Variants in ACOX3 observed in about 807,000 individuals in gnomAD.
The protein encoded by ACOX3 is acyl-CoA oxidase 3, pristanoyl.
Under a neutral mutation model 81.5 loss-of-function variants are expected in ACOX3, and 73 were observed. That is an observed-to-expected ratio of 0.90 (90% CI 0.74 to 1.09). ACOX3 has a LOEUF of 1.09. ACOX3 is among the 50% of genes least tolerant of loss of function. The pLI is 0.00. For missense variants in ACOX3, 947 were observed against 928.0 expected (o/e 1.02, Z -0.27); for synonymous variants, 387 against 375.1 (o/e 1.03, Z -0.37).
chr4:8,433,740 T>C (rs1177653383), intron 1 of ACOX3, among the ~76,000 whole-genome samples: 1 of 152,216 alleles, frequency 6.6e-6, no homozygotes, highest in East Asian at 1.9e-4. Flanking sequence ...CTTTAGGGAA[T>C]GGCAAAATCC....
chr4:8,355,816 A>G, the ACOX3 span: 1 of 153,466 alleles, frequency 6.5e-6, no homozygotes, highest in Non-Finnish European at 1.5e-5. Flanking sequence ...ATATGTACAA[A>G]TATCTTACAA....
chr4:8,395,124 A>G (rs762811119), intron 9 of ACOX3, among the ~76,000 whole-genome samples: 7 of 152,158 alleles, frequency 4.6e-5, no homozygotes, highest in Non-Finnish European at 2.9e-5. Flanking sequence ...TGTGAGGATG[A>G]GGCCGTCACC....
At chr4:8,390,520 T>C (rs918550771) in intron 11 of ACOX3, among the ~76,000 whole-genome samples, 19 of 152,378 alleles carry the variant, frequency 1.2e-4, no homozygotes, top group African/African-American at 4.1e-4. Flanking sequence ...GCTACCCTTC[T>C]TCCGTCCATA....
In ACOX3 at chr4:8,423,943, G is replaced by C. The variant is rs180760934; in HGVS notation, c.-14-7408C>G. Among the ~76,000 whole-genome samples, 590 of 152,248 alleles carry C rather than the reference G, an allele frequency of 3.9e-3. 4 individuals are homozygous for C. The highest frequency in any genetic ancestry group is 0.014 in the African/African-American group (573 of 41,540). On this transcript the variant is annotated intron_variant, in intron 1 of 17. Coordinates refer to ENST00000356406, the MANE Select transcript of ACOX3 (RefSeq NM_003501.3). The surrounding 1 kb of genome is among the most constrained non-coding windows in gnomAD (Gnocchi z 4.2). ...TCGGTATGCGGATGATTTACTTTTA[G>C]CCACCCATTCAGAAACCTTGTGCCA...
rs1260830552 is a variant in ACOX3 at position 8,375,017 on chromosome 4, G to C, written c.1789C>G (p.Leu597Val). ...GCCGCGTGGCGGCTCAGGGACCACA[G>C]GGCGTACAGAGCACTGAGCCGCCCC... ...VLGRLSALYA[L>V]WSLSRHAALL... is the part of the protein sequence containing the mutation. The change falls in exon 15 of 18, where the codon CTG (leucine) becomes GTG (valine). Residue 597 changes from leucine (L) to valine (V), a missense_variant. Leu to Val is a conservative substitution (Grantham distance 32). Transcript: ENST00000356406. 1 of 1,552,050 alleles carries C rather than the reference G, an allele frequency of 6.4e-7. No homozygotes were observed. Among genetic ancestry groups the C allele is most frequent in the Admixed American group, 2.0e-5 (1 of 50,810 alleles).
rs1365622122 is a variant in ACOX3, at chr4:8,406,236, G to A, written c.688-193C>T. On this transcript the variant is annotated intron_variant, in intron 6 of 17. Transcript: ENST00000356406. The surrounding 1 kb of genome is among the most constrained non-coding windows in gnomAD (Gnocchi z 5.6). ...GGAATGGAAGCTTATTTGGAAATAG[G>A]GTCCTGCAGATATAATGAATTTAAG... 6.6e-6 allele frequency among the ~76,000 whole-genome samples: 1 copy of A among 152,190 alleles called. No homozygotes were observed. Among genetic ancestry groups the A allele is most frequent in the African/African-American group, 2.4e-5 (1 of 41,446 alleles).
rs1190173459 is a variant in ACOX3 at position 8,407,135 on chromosome 4, C to T, written c.688-1092G>A. On this transcript the variant is annotated intron_variant, in intron 6 of 17. Coordinates refer to ENST00000356406, the MANE Select transcript of ACOX3 (RefSeq NM_003501.3). This position sits in a 1 kb window ranked among gnomAD's most constrained non-coding sequence, Gnocchi z 4.6. ...CCCTGTCTGGGCATAACAGAAGGCT[C>T]GTACTCTTGTCTTCTGGTCACTCCT... Among the ~76,000 whole-genome samples, 2 of 152,222 alleles carry T rather than the reference C, an allele frequency of 1.3e-5. No individual in the cohort carries two copies. Among genetic ancestry groups the T allele is most frequent in the East Asian group, 1.9e-4 (1 of 5,200 alleles).
intron 11 of ACOX3, among the ~76,000 whole-genome samples, chr4:8,391,629 G>T (rs1251420847): frequency 6.6e-6 from 1 of 152,238 alleles, no homozygotes; most frequent in Non-Finnish European, 1.5e-5. Flanking sequence ...CTACATGCCA[G>T]ATACCATGCT....
chr4:8,399,643 C>T lies in ACOX3; in HGVS notation c.786G>A (p.Met262Ile), dbSNP rs746640303. The T allele has an allele frequency of 3.1e-6, 5 of 1,614,120 alleles. No homozygotes were observed. Among genetic ancestry groups the T allele is most frequent in the South Asian group, 1.1e-5 (1 of 91,084 alleles). The change falls in exon 8 of 18, where the codon ATG becomes ATA. Residue 262 changes from methionine to isoleucine, a missense_variant. Transcript: ENST00000356406. The surrounding 1 kb of genome is among the most constrained non-coding windows in gnomAD (Gnocchi z 4.9). ...GGCGAGGAACTCTGACCTTGTGGAA[C>T]ATGGCGAAACTGTGGGGAAGCAGCA... is the stretch of plus-strand genomic sequence containing the variant. ...GQNGLDNGFA[M>I]FHKVRVPRQS...
At chr4:8,372,400 A>G (rs1294058066) in intron 16 of ACOX3, among the ~76,000 whole-genome samples, 1 of 152,074 alleles carries the variant, frequency 6.6e-6, no homozygotes, top group Non-Finnish European at 1.5e-5. Context: ...ACACCCGGAC[A>G]CTTTTTATCA....
Position 8,437,106 on chromosome 4 carries a change from T to C in ACOX3, c.-15+3542A>G, listed in dbSNP as rs993514877. ...ATACACGTAAATATATATATTTACA[T>C]ATATATGTAAAAAAATATATGTAAA... On this transcript the variant is annotated intron_variant, in intron 1 of 17. Transcript: ENST00000356406. The surrounding 1 kb of genome is among the most constrained non-coding windows in gnomAD (Gnocchi z 5.2). Among the ~76,000 whole-genome samples, 3 of 75,788 alleles carry C rather than the reference T, an allele frequency of 4.0e-5. No homozygotes were observed. Among genetic ancestry groups the C allele is most frequent in the African/African-American group, 2.3e-4 (3 of 13,326 alleles). 49.7% of individuals were successfully genotyped at this position (75,788 alleles called of 152,430 possible). A position where few individuals can be genotyped will look rare whatever the true frequency, so the allele number is the denominator to read the frequency against.
rs370874561 is a variant in ACOX3, at chr4:8,389,202, G to T, written c.1508C>A (p.Ser503Tyr). Residue 503 changes from serine to tyrosine, a missense_variant, in exon 13 of 18, where the codon TCC (serine) becomes TAC (tyrosine). Transcript: ENST00000356406. The surrounding 1 kb of genome is among the most constrained non-coding windows in gnomAD (Gnocchi z 5.3). Reference sequence around the variant, plus strand: ...AGAGTCCAAGCAGTCGGCAACACTGGAGACCTCAAACTTCTGGTCAAGGAT... The same window carrying T: ...AGAGTCCAAGCAGTCGGCAACACTGTAGACCTCAAACTTCTGGTCAAGGAT... The part of the protein sequence containing the change: ...PGILDQKFEV[S>Y]SVADCLDSAV... 14 of 1,613,822 alleles carry T rather than the reference G, an allele frequency of 8.7e-6. No individual in the cohort carries two copies. The African/African-American group carries it at 1.3e-4, about 15-fold the overall frequency.
intron 1 of ACOX3, among the ~76,000 whole-genome samples, chr4:8,433,120 C>T (rs1229882582): frequency 6.6e-6 from 1 of 152,226 alleles, no homozygotes; most frequent in Non-Finnish European, 1.5e-5. Flanking sequence ...CTCCAGCTTT[C>T]TCCCTGCTCC....
rs142177374 is a variant in ACOX3 at position 8,397,071 on chromosome 4, G to A, written c.922C>T (p.Arg308Trp). ...GASLGSLSSG[R>W]VSIVSLAILN... ...ATGGCCAGGCTCACGATGGAGACCC[G>A]GCCCGAGGACAGGCTCCCCAGGGAC... The change falls in exon 9 of 18, where the codon CGG becomes TGG. Residue 308 changes from arginine to tryptophan, a missense_variant. Transcript: ENST00000356406. The A allele has an allele frequency of 9.4e-5, 150 of 1,598,248 alleles. No homozygotes were observed. The highest frequency in any genetic ancestry group is 3.9e-4 in the Admixed American group (22 of 56,422).
chr4:8,435,229 G>C (rs1378448317), intron 1 of ACOX3, among the ~76,000 whole-genome samples: 1 of 152,160 alleles, frequency 6.6e-6, no homozygotes, highest in Non-Finnish European at 1.5e-5. Context: ...GGTGGCTCAC[G>C]CCTATAATCC....
Position 8,430,774 on chromosome 4 carries a change from T to C in ACOX3, c.-15+9874A>G, listed in dbSNP as rs796258495. 2.0e-5 allele frequency among the ~76,000 whole-genome samples: 3 copies of C among 152,302 alleles called. No homozygotes were observed. Among genetic ancestry groups the C allele is most frequent in the Admixed American group, 6.5e-5 (1 of 15,304 alleles). Reference sequence around the variant, plus strand: ...GGGAGGCTGAGGCAAGAGAATCGCCTGAACGCAGGAGGTAGAGGTTGCAGT... The same window carrying C: ...GGGAGGCTGAGGCAAGAGAATCGCCCGAACGCAGGAGGTAGAGGTTGCAGT... On this transcript the variant is annotated intron_variant, in intron 1 of 17. Coordinates refer to ENST00000356406, the MANE Select transcript of ACOX3 (RefSeq NM_003501.3). This position sits in a 1 kb window ranked among gnomAD's most constrained non-coding sequence, Gnocchi z 5.2.
At chr4:8,364,271 T>A (rs1320828719), downstream of ACOX3, among the ~76,000 whole-genome samples, 1 of 152,226 alleles carries the variant, frequency 6.6e-6, no homozygotes, top group Admixed American at 6.5e-5. The surrounding 1 kb of genome is among the most constrained non-coding windows in gnomAD (Gnocchi z 5.0). Flanking sequence ...GCAGCTATTC[T>A]CAGGACCTCC....
At position 8,414,327 on chromosome 4, in the gene ACOX3, T is replaced by C. The variant is rs748250369; in HGVS notation, c.508A>G (p.Ile170Val). ...ELSHGSNTKA[I>V]RTTAHYDPAT... ...GGATCGTAGTGGGCAGTTGTGCGAATGGCCTTGGTATTACTGCCGTGGCTT... is the reference window on the plus strand; with the variant it reads ...GGATCGTAGTGGGCAGTTGTGCGAACGGCCTTGGTATTACTGCCGTGGCTT... Residue 170 changes from isoleucine (I) to valine (V), a missense_variant, in exon 5 of 18, where the codon ATT becomes GTT. By Grantham distance (29) the Ile-to-Val change is conservative (BLOSUM62 3). Coordinates refer to ENST00000356406, the MANE Select transcript of ACOX3 (RefSeq NM_003501.3). The surrounding 1 kb of genome is among the most constrained non-coding windows in gnomAD (Gnocchi z 6.1). 1 of 1,614,190 alleles carries C rather than the reference T, an allele frequency of 6.2e-7. No individual in the cohort carries two copies. Among genetic ancestry groups the C allele is most frequent in the Non-Finnish European group, 8.5e-7 (1 of 1,180,034 alleles).
rs796764663 is a variant in ACOX3, at chr4:8,406,270, G to A, written c.688-227C>T. Among the ~76,000 whole-genome samples, 5 of 152,324 alleles carry A rather than the reference G, an allele frequency of 3.3e-5. No individual in the cohort carries two copies. In the East Asian group the frequency reaches 7.7e-4, roughly 24 times the overall value. On this transcript the variant is annotated intron_variant, in intron 6 of 17. Coordinates refer to ENST00000356406, the MANE Select transcript of ACOX3 (RefSeq NM_003501.3). This position sits in a 1 kb window ranked among gnomAD's most constrained non-coding sequence, Gnocchi z 5.6. ...GATATAATGAATTTAAGAGCATCAAGATAAGGTCATCCCAAATCACCCAGG... is the reference window on the plus strand; with the variant it reads ...GATATAATGAATTTAAGAGCATCAAAATAAGGTCATCCCAAATCACCCAGG...
Sources: allele counts gnomAD v4.1 joint callset (sites outside exome capture counted in the v4.1 genomes callset), GRCh38; gene constraint gnomAD v4.1.1; non-coding constraint Gnocchi (gnomAD v3.1); transcripts MANE v1.5; gene names NCBI Gene and HGNC (gene_info 2026-07-23, HGNC 2026-07-21).